CPNE4: variants seen among roughly 807,000 people sequenced by gnomAD.
CPNE4 encodes the protein copine 4, also known as copine-4.
Under a neutral mutation model 67.9 loss-of-function variants are expected in CPNE4, and 25 were observed. That is an observed-to-expected ratio of 0.37 (90% confidence interval 0.27 to 0.51). CPNE4 has a LOEUF of 0.51. Among genes scored for constraint, CPNE4 ranks in the 20% least tolerant of loss-of-function variants. CPNE4 has a pLI of 0.93. For synonymous variants in CPNE4, 242 were observed against 244.9 expected (o/e 0.99, Z 0.11); for missense variants, 464 against 690.8 (o/e 0.67, Z 3.68).
chr3:131,716,580 T>C (rs1162313949), intron 3 of CPNE4, among the ~76,000 whole-genome samples: 1 of 152,204 alleles, frequency 6.6e-6, no homozygotes, highest in East Asian at 1.9e-4. Flanking sequence ...CGCTGTATGT[T>C]TCCCCCTTTG....
upstream of CPNE4, chr3:132,037,454 TA>T: frequency 1.2e-6 from 1 of 835,566 alleles, no homozygotes; most frequent in Non-Finnish European, 2.0e-6. Flanking sequence ...TGTAACCAGC[TA>T]ATAATCCATG....
chr3:131,672,827 AT>A (rs942712013), intron 6 of CPNE4, among the ~76,000 whole-genome samples: 6 of 151,314 alleles, frequency 4.0e-5, no homozygotes, highest in Non-Finnish European at 5.9e-5. Flanking sequence ...GCAGTGCAGA[AT>A]TTTTTTTTAA....
At chr3:131,908,125 A>G (rs2088839607) in intron 1 of CPNE4, among the ~76,000 whole-genome samples, 1 of 152,158 alleles carries the variant, frequency 6.6e-6, no homozygotes, top group Non-Finnish European at 1.5e-5. Flanking sequence ...CAAATGTACC[A>G]AGGAACAGTG....
At chr3:131,650,126 G>GTAGGC (rs147185876) in intron 7 of CPNE4, among the ~76,000 whole-genome samples, 27 of 151,944 alleles carry the variant, frequency 1.8e-4, no homozygotes, top group African/African-American at 5.3e-4. Context: ...CTTTTAAAGG[G>GTAGGC]CATATCTGAT....
At chr3:131,790,136 T>C (rs780050050) in intron 2 of CPNE4, among the ~76,000 whole-genome samples, 5 of 152,150 alleles carry the variant, frequency 3.3e-5, no homozygotes, top group African/African-American at 4.8e-5. Context: ...TAATGCCAAC[T>C]TGGATTCATA....
intron 2 of CPNE4, among the ~76,000 whole-genome samples, chr3:131,822,305 T>C (rs757731307): frequency 2.6e-5 from 4 of 152,144 alleles, no homozygotes; most frequent in Non-Finnish European, 5.9e-5. Context: ...CAAAGAGAAA[T>C]TTGTATGTGT....
intron 7 of CPNE4, among the ~76,000 whole-genome samples, chr3:131,593,028 A>G (rs1938630079): frequency 6.6e-6 from 1 of 152,224 alleles, no homozygotes; most frequent in African/African-American, 2.4e-5. Flanking sequence ...TGTGATGGTC[A>G]GCTTCATGTG....
rs79548932 is a variant in CPNE4, at chr3:131,990,580, C to T, written c.-2+43987G>A. Reference sequence around the variant, plus strand: ...TGTTATATGACTTGACAACATAATACGTATAGAATAAAATATGAAAAGACT... The same window carrying T: ...TGTTATATGACTTGACAACATAATATGTATAGAATAAAATATGAAAAGACT... On this transcript the variant is annotated intron_variant, in intron 1 of 15. Coordinates refer to ENST00000429747, the MANE Select transcript of CPNE4 (RefSeq NM_130808.3). Among the ~76,000 whole-genome samples, 689 of 135,498 alleles carry T rather than the reference C, an allele frequency of 5.1e-3. 53 individuals carry two copies. Among genetic ancestry groups the T allele is most frequent in the African/African-American group, 0.016 (656 of 40,584 alleles). 88.9% of individuals were successfully genotyped at this position (135,498 alleles called of 152,430 possible).
At chr3:132,018,718 C>G (rs1024311845) in intron 1 of CPNE4, among the ~76,000 whole-genome samples, 12 of 152,284 alleles carry the variant, frequency 7.9e-5, no homozygotes, top group African/African-American at 2.9e-4. Context: ...TGGAAATGCT[C>G]TCATATCTGC....
intron 3 of CPNE4, among the ~76,000 whole-genome samples, chr3:131,702,619 C>T (rs116306971): frequency 2.2e-3 from 330 of 152,332 alleles, no homozygotes; most frequent in African/African-American, 7.1e-3. Context: ...CAACAACCCT[C>T]TCGGCCCTAT....
At chr3:131,791,981 A>T (rs977965456) in intron 2 of CPNE4, among the ~76,000 whole-genome samples, 1 of 152,126 alleles carries the variant, frequency 6.6e-6, no homozygotes, top group African/African-American at 2.4e-5. Context: ...TTACTCAGTA[A>T]CAGAACTGGC....
intron 3 of CPNE4, among the ~76,000 whole-genome samples, chr3:131,702,698 A>G (rs1174885780): frequency 6.6e-6 from 1 of 152,190 alleles, no homozygotes; most frequent in Non-Finnish European, 1.5e-5. Context: ...CAAGATTCAC[A>G]TTATCTTTAT....
At chr3:131,590,717 C>T (rs982821335) in intron 7 of CPNE4, among the ~76,000 whole-genome samples, 1 of 151,970 alleles carries the variant, frequency 6.6e-6, no homozygotes, top group African/African-American at 2.4e-5. Flanking sequence ...ACTGCAGGAC[C>T]ACATGCAAAA....
chr3:131,667,809 C>A (rs2080303563), intron 7 of CPNE4, among the ~76,000 whole-genome samples: 1 of 152,062 alleles, frequency 6.6e-6, no homozygotes, highest in Non-Finnish European at 1.5e-5. Flanking sequence ...TTACAGATGA[C>A]CCTCTCCTTT....
At chr3:131,805,590 G>C (rs1337366850) in intron 2 of CPNE4, among the ~76,000 whole-genome samples, 1 of 152,208 alleles carries the variant, frequency 6.6e-6, no homozygotes, top group African/African-American at 2.4e-5. Context: ...AGGGACTGGA[G>C]TCATCTTGAA....
At chr3:131,875,692 G>A (rs375936252) in intron 2 of CPNE4, among the ~76,000 whole-genome samples, 1 of 140,476 alleles carries the variant, frequency 7.1e-6, no homozygotes, top group South Asian at 2.7e-4. Context: ...GGGGTGGGGG[G>A]AGGGGGGAGG....
intron 7 of CPNE4, among the ~76,000 whole-genome samples, chr3:131,616,780 GA>G (rs1559989789): frequency 6.6e-6 from 1 of 152,146 alleles, no homozygotes; most frequent in Non-Finnish European, 1.5e-5. Context: ...AGGAATTAAA[GA>G]ACAGACAGAA....
chr3:131,779,213 A>T (rs1234623120), intron 2 of CPNE4, among the ~76,000 whole-genome samples: 1 of 152,178 alleles, frequency 6.6e-6, no homozygotes, highest in Non-Finnish European at 1.5e-5. Flanking sequence ...AAAATATTCC[A>T]CATTCATGGA....
chr3:131,837,857 A>AGG (rs558996370), intron 2 of CPNE4, among the ~76,000 whole-genome samples: 1 of 152,036 alleles, frequency 6.6e-6, no homozygotes, highest in Non-Finnish European at 1.5e-5. Context: ...TAAAGGGTAC[A>AGG]GGGGAACTTT....
Sources: allele counts gnomAD v4.1 joint callset (sites outside exome capture counted in the v4.1 genomes callset), GRCh38; gene constraint gnomAD v4.1.1; transcripts MANE v1.5; gene names NCBI Gene and HGNC (gene_info 2026-07-23, HGNC 2026-07-21).